DENND5A: variants seen among roughly 807,000 people sequenced by gnomAD.
DENND5A encodes the protein DENN domain-containing protein 5A.
In DENND5A, 64 loss-of-function variants were observed where a neutral mutation model predicts 140.3. The ratio of observed to expected loss-of-function variants is 0.46; its 90% CI spans 0.37 to 0.56. The LOEUF (loss-of-function observed/expected upper bound fraction) is 0.56, where lower values mean the gene tolerates loss of function less well. Ranked by LOEUF, DENND5A falls within the 20% of genes least tolerant of loss-of-function variation. The pLI is 0.00. For missense variants in DENND5A, 1,292 were observed against 1,593.8 expected, an observed-to-expected ratio of 0.81 and a Z score of 3.22; for synonymous variants, 605 against 607.7, an observed-to-expected ratio of 1.00 and a Z score of 0.07.
chr11:9,152,583 A>G, intron 12 of DENND5A, 141 bp from the exon 13 acceptor site: 1 of 639,372 alleles, frequency 1.6e-6, no homozygotes, highest in Non-Finnish European at 2.8e-6. Flanking sequence ...AGTGTATGCA[A>G]ATATATCAAT....
chr11:9,178,921 G>T lies in DENND5A; in HGVS notation c.1608C>A (p.Ile536=), dbSNP rs1848634605. ...AGGATTCCTTATCCTGGCTGGGTTG[G>T]ATGACAAACACCTCATAATCTGCAA... is the stretch of plus-strand genomic sequence containing the variant. ...QMFADYEVFV[I]QPSQDKESWF... Residue 536 remains isoleucine (I), a synonymous_variant, in exon 7 of 23, where the codon ATC becomes ATA. Transcript: ENST00000328194. 5.6e-6 allele frequency: 9 copies of T among 1,613,954 alleles called. No individual in the cohort carries two copies. Among genetic ancestry groups the T allele is most frequent in the Non-Finnish European group, 7.6e-6 (9 of 1,180,018 alleles).
At chr11:9,193,789 C>T (rs1268463038) in intron 4 of DENND5A, 108 bp from the exon 5 acceptor site, 17 of 985,830 alleles carry the variant, frequency 1.7e-5, no homozygotes, top group African/African-American at 3.3e-5. Flanking sequence ...TATTTAGAAA[C>T]GATCACGATA....
intron 4 of DENND5A, among the ~76,000 whole-genome samples, chr11:9,203,343 A>G (rs1297919688): frequency 1.3e-5 from 2 of 152,224 alleles, no homozygotes; most frequent in African/African-American, 2.4e-5. Flanking sequence ...GAATGACAGA[A>G]CAGAACTGAT....
intron 4 of DENND5A, among the ~76,000 whole-genome samples, chr11:9,194,819 A>C (rs1257069295): frequency 6.6e-6 from 1 of 151,196 alleles, no homozygotes; most frequent in African/African-American, 2.4e-5. Flanking sequence ...TCCTGGGTTC[A>C]AGTGATTCTC....
At chr11:9,139,918 G>A in intron 22 of DENND5A, 64 bp from the exon 23 acceptor site, 2 of 1,510,528 alleles carry the variant, frequency 1.3e-6, no homozygotes, top group South Asian at 2.3e-5. Context: ...GAGAGCGTTA[G>A]TGCAAGGCCA....
intron 15 of DENND5A, among the ~76,000 whole-genome samples, chr11:9,148,644 G>A (rs1201625326): frequency 6.6e-6 from 1 of 152,152 alleles, no homozygotes; most frequent in East Asian, 1.9e-4. Context: ...TTCAGTGTAG[G>A]TACGGAGAAG....
intron 1 of DENND5A, among the ~76,000 whole-genome samples, chr11:9,261,068 C>T (rs112341959): frequency 0.015 from 2,225 of 152,160 alleles, 26 homozygotes; most frequent in Non-Finnish European, 0.022. Context: ...CCAGGCTGGT[C>T]TCAAACTCCT....
chr11:9,161,078 T>G (rs901463185), intron 11 of DENND5A, among the ~76,000 whole-genome samples: 2 of 152,174 alleles, frequency 1.3e-5, no homozygotes, highest in African/African-American at 4.8e-5. Context: ...CCAGGTGTGG[T>G]AGCTCACACC....
chr11:9,230,835 A>T lies in DENND5A; in HGVS notation c.110-23203T>A, dbSNP rs531138458. On this transcript the variant is annotated intron_variant, in intron 1 of 22. Coordinates refer to ENST00000328194, the MANE Select transcript of DENND5A (RefSeq NM_015213.4). ...TAGGGAGACCGGTCTCTACAAAGAAATAGAAAAATTAGGCATGGTGGCACA... is the reference window on the plus strand; with the variant it reads ...TAGGGAGACCGGTCTCTACAAAGAATTAGAAAAATTAGGCATGGTGGCACA... Among the ~76,000 whole-genome samples, 4 of 152,168 alleles carry T rather than the reference A, an allele frequency of 2.6e-5. No individual in the cohort carries two copies. In the East Asian group the frequency reaches 7.7e-4, roughly 29 times the overall value.
intron 1 of DENND5A, among the ~76,000 whole-genome samples, chr11:9,249,289 G>A (rs987553949): frequency 9.2e-5 from 14 of 151,612 alleles, no homozygotes; most frequent in African/African-American, 3.4e-4. Context: ...CTAACGTGTT[G>A]TAACGAAAAA....
chr11:9,144,929 C>A, intron 18 of DENND5A, 66 bp downstream of exon 18: 1 of 1,176,922 alleles, frequency 8.5e-7, no homozygotes, highest in South Asian at 1.2e-5. Context: ...TCCACATACC[C>A]AAGCATCGAA....
chr11:9,195,576 T>G (rs1429471080), intron 4 of DENND5A, among the ~76,000 whole-genome samples: 1 of 152,206 alleles, frequency 6.6e-6, no homozygotes, highest in Admixed American at 6.5e-5. Flanking sequence ...AATCACAGCT[T>G]GGTTCATAAA....
intron 7 of DENND5A, 77 bp from the exon 8 acceptor site, chr11:9,178,443 A>G (rs1319236310): frequency 2.9e-5 from 26 of 885,858 alleles, no homozygotes; most frequent in Non-Finnish European, 4.4e-5. Flanking sequence ...CAGTAGGTTA[A>G]TTATTCTCTG....
At chr11:9,141,395 G>A (rs1447607938) in intron 22 of DENND5A, among the ~76,000 whole-genome samples, 1 of 152,194 alleles carries the variant, frequency 6.6e-6, no homozygotes, top group African/African-American at 2.4e-5. Flanking sequence ...TACAGTCTGA[G>A]AAATGTGTCA....
chr11:9,162,645 C>G (rs1039468415), intron 11 of DENND5A, among the ~76,000 whole-genome samples: 2 of 152,078 alleles, frequency 1.3e-5, no homozygotes, highest in African/African-American at 2.4e-5. Context: ...AACGAAACTA[C>G]AGAAAAGCAA....
chr11:9,141,874 C>T, intron 22 of DENND5A, 66 bp downstream of exon 22: 1 of 1,462,784 alleles, frequency 6.8e-7, no homozygotes. Context: ...CCCTGCACTG[C>T]ACCAGGCCTC....
intron 22 of DENND5A, chr11:9,140,272 T>C (rs1352442840): frequency 8.3e-7 from 1 of 1,205,650 alleles, no homozygotes; most frequent in Non-Finnish European, 1.1e-6. Flanking sequence ...TAGGTACTAT[T>C]ATTATCCCCA....
At chr11:9,248,218 A>G (rs1851561403) in intron 1 of DENND5A, among the ~76,000 whole-genome samples, 1 of 152,136 alleles carries the variant, frequency 6.6e-6, no homozygotes, top group South Asian at 2.1e-4. Context: ...CCTGGATTCA[A>G]GTGATCCACC....
intron 1 of DENND5A, among the ~76,000 whole-genome samples, chr11:9,230,427 G>T (rs1232865772): frequency 2.0e-5 from 3 of 151,398 alleles, no homozygotes; most frequent in Non-Finnish European, 4.4e-5. Context: ...ATTTTTTGCA[G>T]ACAGGTTCTC....
Sources: gnomAD v4.1 joint callset for allele counts (sites outside exome capture counted in the v4.1 genomes callset) on GRCh38, gnomAD v4.1.1 for gene constraint, MANE v1.5 for transcripts, NCBI Gene and HGNC (gene_info 2026-07-23, HGNC 2026-07-21) for gene names.